RUNX1T1: variants seen among roughly 807,000 people sequenced by gnomAD.
The protein encoded by RUNX1T1 is RUNX1 partner transcriptional co-repressor 1, also known as protein CBFA2T1.
In RUNX1T1, 4 loss-of-function variants were observed where a neutral mutation model predicts 62.8. That is an observed-to-expected ratio of 0.06 (90% CI 0.03 to 0.15). The LOEUF (loss-of-function observed/expected upper bound fraction) is 0.15, where lower values mean the gene tolerates loss of function less well. Ranked by LOEUF, RUNX1T1 falls within the 10% of genes least tolerant of loss-of-function variation. The pLI is 1.00. For synonymous variants in RUNX1T1, 291 were observed against 286.0 expected (o/e 1.02, Z -0.18); for missense variants, 508 against 754.3 (o/e 0.67, Z 3.82).
At position 92,026,666 on chromosome 8, in the gene RUNX1T1, G is replaced by GA. The variant is rs1393866850; in HGVS notation, c.8-9304dup. Among the ~76,000 whole-genome samples, 27 of 146,568 alleles carry GA rather than the reference G, an allele frequency of 1.8e-4. 1 individual carries two copies. The highest frequency in any genetic ancestry group is 6.8e-4 in the African/African-American group (27 of 39,508). ...GAAACCCCGTCTCTACGAAAAATATGAAAAAATTAGCCTGGCCTGGTGGCG... is the reference window on the plus strand; with the variant it reads ...GAAACCCCGTCTCTACGAAAAATATGAAAAAAATTAGCCTGGCCTGGTGGCG... On this transcript the variant is annotated intron_variant, in intron 1 of 10. Coordinates refer to ENST00000396218, the Ensembl canonical transcript of RUNX1T1.
chr8:92,046,432 T>C, intron 1 of RUNX1T1, among the ~76,000 whole-genome samples: 1 of 152,148 alleles, frequency 6.6e-6, no homozygotes, highest in African/African-American at 2.4e-5. Flanking sequence ...GGCACAATCA[T>C]AGCTTACTGC....
At chr8:92,063,206 C>T (rs992235457), upstream of RUNX1T1, among the ~76,000 whole-genome samples, 4 of 152,156 alleles carry the variant, frequency 2.6e-5, no homozygotes, top group African/African-American at 9.7e-5. Context: ...AGTTTATCAT[C>T]CTGCACAAAG....
chr8:92,034,743 TAC>T (rs1468729472), intron 1 of RUNX1T1, among the ~76,000 whole-genome samples: 1 of 150,226 alleles, frequency 6.7e-6, no homozygotes, highest in Non-Finnish European at 1.5e-5. Flanking sequence ...TACATATATA[TAC>T]ACATATATAT....
chr8:92,074,754 G>GCTCC (rs1415028311), intron 2 of RUNX1T1, among the ~76,000 whole-genome samples: 2 of 152,204 alleles, frequency 1.3e-5, no homozygotes, highest in Non-Finnish European at 2.9e-5. Context: ...CATGGGAGAT[G>GCTCC]TCTCAACTGC....
intron 1 of RUNX1T1, among the ~76,000 whole-genome samples, chr8:92,096,841 C>T (rs929579881): frequency 1.1e-4 from 16 of 151,962 alleles, no homozygotes; most frequent in Non-Finnish European, 2.2e-4. Context: ...AGAACTAGCC[C>T]CTGCCTTTTA....
At chr8:91,955,947 A>C (rs1300927266), downstream of RUNX1T1, 1 of 229,776 alleles carries the variant, frequency 4.4e-6, no homozygotes, top group Admixed American at 5.7e-5. Flanking sequence ...GCCACAGTGG[A>C]TATTAACTAC....
At chr8:92,025,135 G>A (rs1331967659) in intron 1 of RUNX1T1, among the ~76,000 whole-genome samples, 1 of 152,020 alleles carries the variant, frequency 6.6e-6, no homozygotes, top group Non-Finnish European at 1.5e-5. Flanking sequence ...ACCATCTCTT[G>A]CCTGACCTAT....
intron 2 of RUNX1T1, among the ~76,000 whole-genome samples, chr8:92,069,661 A>G (rs997977112): frequency 6.6e-6 from 1 of 152,206 alleles, no homozygotes; most frequent in Admixed American, 6.5e-5. Flanking sequence ...ATTTGCTTTT[A>G]TATCAATGTA....
At chr8:92,096,334 G>C (rs974584083) in intron 1 of RUNX1T1, among the ~76,000 whole-genome samples, 1 of 152,166 alleles carries the variant, frequency 6.6e-6, no homozygotes, top group African/African-American at 2.4e-5. Flanking sequence ...ATCTCGGCTT[G>C]AGCTGCCTCA....
intron 1 of RUNX1T1, among the ~76,000 whole-genome samples, chr8:92,078,295 C>A (rs532427566): frequency 2.0e-5 from 3 of 151,776 alleles, no homozygotes; most frequent in Admixed American, 6.6e-5. Context: ...AAATGCCCTT[C>A]CAATATGAAA....
At chr8:91,985,164 A>G (rs1816283609) in intron 8 of RUNX1T1, among the ~76,000 whole-genome samples, 1 of 152,212 alleles carries the variant, frequency 6.6e-6, no homozygotes, top group Non-Finnish European at 1.5e-5. Flanking sequence ...GAGTTAGCAG[A>G]TGGGTATGGG....
intron 8 of RUNX1T1, among the ~76,000 whole-genome samples, chr8:91,978,023 G>A (rs1254605429): frequency 6.6e-6 from 1 of 152,062 alleles, no homozygotes; most frequent in African/African-American, 2.4e-5. Flanking sequence ...TCTGACGTCA[G>A]GTCACCTGAC....
At chr8:92,068,183 T>C (rs2130693918) in intron 2 of RUNX1T1, among the ~76,000 whole-genome samples, 1 of 152,276 alleles carries the variant, frequency 6.6e-6, no homozygotes, top group African/African-American at 2.4e-5. Flanking sequence ...TGCAAATAAG[T>C]TACCATTTAC....
intron 6 of RUNX1T1, among the ~76,000 whole-genome samples, chr8:91,990,604 AT>A (rs1817464950): frequency 6.6e-6 from 1 of 150,854 alleles, no homozygotes; most frequent in African/African-American, 2.4e-5. Flanking sequence ...CATGGTAGAC[AT>A]TTGTTCTATA....
chr8:92,085,553 T>C (rs1835970261), intron 1 of RUNX1T1, among the ~76,000 whole-genome samples: 1 of 152,238 alleles, frequency 6.6e-6, no homozygotes, highest in Non-Finnish European at 1.5e-5. Flanking sequence ...TAATAATTAG[T>C]TCTTATCAAG....
upstream of RUNX1T1, among the ~76,000 whole-genome samples, chr8:92,065,596 T>C (rs1261763687): frequency 6.6e-6 from 1 of 152,248 alleles, no homozygotes; most frequent in Admixed American, 6.5e-5. Context: ...CAACTTTAGA[T>C]CATTCATTAG....
At chr8:91,994,390 T>C (rs1818283326) in intron 5 of RUNX1T1, 1 of 203,538 alleles carries the variant, frequency 4.9e-6, no homozygotes, top group Non-Finnish European at 1.0e-5. Flanking sequence ...TTCTAAAAAA[T>C]ACACTTCAAT....
chr8:92,079,640 C>T (rs538442679), intron 1 of RUNX1T1, among the ~76,000 whole-genome samples: 39 of 152,270 alleles, frequency 2.6e-4, no homozygotes, highest in African/African-American at 8.9e-4. Flanking sequence ...GATTCTCCTT[C>T]TCTCTTCTAA....
chr8:92,077,761 G>C (rs1834645114), intron 1 of RUNX1T1, among the ~76,000 whole-genome samples: 1 of 151,966 alleles, frequency 6.6e-6, no homozygotes, highest in African/African-American at 2.4e-5. Flanking sequence ...AAACGAACCA[G>C]GCAAAGCATA....
Sources: allele counts gnomAD v4.1 joint callset (sites outside exome capture counted in the v4.1 genomes callset), GRCh38; gene constraint gnomAD v4.1.1; transcripts MANE v1.5; gene names NCBI Gene and HGNC (gene_info 2026-07-23, HGNC 2026-07-21).